Variants in ABAT observed in about 807,000 individuals in gnomAD.
The protein encoded by ABAT is 4-aminobutyrate aminotransferase, mitochondrial.
A neutral mutation model predicts 64.6 loss-of-function variants in ABAT; 45 were observed. The observed-to-expected ratio is 0.70, with a 90% CI of 0.55 to 0.89. The LOEUF is 0.89. Among genes scored for constraint, ABAT ranks in the 40% least tolerant of loss-of-function variants. The pLI is 0.00. For synonymous variants in ABAT, 297 were observed against 250.5 expected, an observed-to-expected ratio of 1.19 and a Z score of -1.75; for missense variants, 633 against 658.4, an observed-to-expected ratio of 0.96 and a Z score of 0.42.
intron 1 of ABAT, among the ~76,000 whole-genome samples, chr16:8,716,396 C>T (rs1298504545): frequency 3.3e-5 from 5 of 152,168 alleles, no homozygotes; most frequent in Non-Finnish European, 7.4e-5. Flanking sequence ...CTAAAGTAAG[C>T]GCTGAGCAAG....
At chr16:8,723,667 A>C (rs927793263) in intron 1 of ABAT, among the ~76,000 whole-genome samples, 1 of 151,766 alleles carries the variant, frequency 6.6e-6, no homozygotes, top group Non-Finnish European at 1.5e-5. Context: ...CATTATCCCT[A>C]ATTCCCAGCG....
At chr16:8,733,424 C>T (rs1348582551) in intron 1 of ABAT, among the ~76,000 whole-genome samples, 2 of 151,598 alleles carry the variant, frequency 1.3e-5, no homozygotes, top group Non-Finnish European at 2.9e-5. Flanking sequence ...ACTTCCCAGA[C>T]GGGGTGGCGG....
chr16:8,699,138 T>A (rs1337594834), intron 1 of ABAT, among the ~76,000 whole-genome samples: 3 of 152,100 alleles, frequency 2.0e-5, no homozygotes, highest in Non-Finnish European at 4.4e-5. Context: ...TAGTTTTGGT[T>A]GAAGTAGTTA....
At chr16:8,735,650 A>AG (rs1260408615) in intron 1 of ABAT, 49 bp from the exon 2 acceptor site, 2 of 1,445,454 alleles carry the variant, frequency 1.4e-6, no homozygotes, top group Non-Finnish European at 1.9e-6. Flanking sequence ...TTTGGCTGAG[A>AG]GGGGAGTGGT....
intron 1 of ABAT, among the ~76,000 whole-genome samples, chr16:8,689,368 A>T (rs2057529271): frequency 6.6e-6 from 1 of 152,224 alleles, no homozygotes; most frequent in African/African-American, 2.4e-5. Flanking sequence ...CCCATACCAC[A>T]TCTTGACTGC....
chr16:8,757,676 G>A, intron 5 of ABAT, 81 bp from the exon 6 acceptor site: 1 of 1,405,408 alleles, frequency 7.1e-7, no homozygotes, highest in Non-Finnish European at 1.0e-6. Context: ...TGGAAAGGAA[G>A]GGAGAGGGAA....
At chr16:8,772,183 C>T (rs146342303) in intron 11 of ABAT, among the ~76,000 whole-genome samples, 3 of 148,898 alleles carry the variant, frequency 2.0e-5, no homozygotes, top group African/African-American at 5.1e-5. Context: ...ATAATATAGT[C>T]GTGCTAATCG....
Position 8,768,269 on chromosome 16 carries a change from C to A in ABAT, c.667+13C>A, listed in dbSNP as rs763619234. Reference sequence around the variant, plus strand: ...GGGAGGACCATGGGTAAGGAGGGACCATTGCGCTCCCAAGGTGGCGTTTAG... The same window carrying A: ...GGGAGGACCATGGGTAAGGAGGGACAATTGCGCTCCCAAGGTGGCGTTTAG... On this transcript the variant is annotated intron_variant, in intron 10 of 15. Coordinates refer to ENST00000268251, the MANE Select transcript of ABAT (RefSeq NM_020686.6). 6.2e-7 allele frequency: 1 copy of A among 1,613,550 alleles called. No individual in the cohort carries two copies. The highest frequency in any genetic ancestry group is 1.7e-4 in the Middle Eastern group (1 of 5,792).
In ABAT at chr16:8,733,117, CGGGGGGCTG is replaced by C. The variant is rs1567292120; in HGVS notation, c.-41-2581_-41-2573del. Among the ~76,000 whole-genome samples the C allele has an allele frequency of 2.2e-4, 31 of 142,900 alleles. No homozygotes were observed. The East Asian group carries it at 5.1e-3, about 24-fold the overall frequency. 93.7% of individuals were successfully genotyped at this position (142,900 alleles called of 152,430 possible). A position where few individuals can be genotyped will look rare whatever the true frequency, so the allele number is the denominator to read the frequency against. On this transcript the variant is annotated intron_variant, in intron 1 of 15. Transcript: ENST00000268251. ...CTCCCGGATGGGGCGGCTGGCCGGG[CGGGGGGCTG>C]ACCCCCCCCCACCTCCCTCCCGGAC...
chr16:8,759,558 G>T (rs1046280018), intron 6 of ABAT, among the ~76,000 whole-genome samples: 10 of 152,108 alleles, frequency 6.6e-5, no homozygotes, highest in African/African-American at 2.4e-4. Flanking sequence ...TGCTGCCCAG[G>T]CTAGAGTGCA....
chr16:8,734,694 C>CTGTTCTGAGATACAAATTT lies in ABAT; in HGVS notation c.-41-989_-41-971dup, dbSNP rs1222124587. 3.3e-5 allele frequency among the ~76,000 whole-genome samples: 5 copies of CTGTTCTGAGATACAAATTT among 152,298 alleles called. No homozygotes were observed. In the South Asian group the frequency reaches 1.0e-3, roughly 32 times the overall value. On this transcript the variant is annotated intron_variant, in intron 1 of 15. Coordinates refer to ENST00000268251, the MANE Select transcript of ABAT (RefSeq NM_020686.6). ...GAATGACTCATGAATGGTGCTGTCG[C>CTGTTCTGAGATACAAATTT]TGTTCTGAGATACAAATTTTGTTCT...
chr16:8,769,393 C>A (rs1049424503), intron 11 of ABAT, among the ~76,000 whole-genome samples: 9 of 151,700 alleles, frequency 5.9e-5, no homozygotes, highest in Non-Finnish European at 8.8e-5. Flanking sequence ...ATGGTGAAAC[C>A]CCATCTCTAC....
rs1038170077 is a variant in ABAT at position 8,768,771 on chromosome 16, G to T, written c.668-54G>T. 3.7e-6 allele frequency: 6 copies of T among 1,612,410 alleles called. No individual in the cohort carries two copies. In the African/African-American group the frequency reaches 8.0e-5, roughly 22 times the overall value. ...GTCTATCATCTCCTTTACAAAGACGGTACTGCCTGCTTCCCCAAGCCAAGC... is the reference window on the plus strand; with the variant it reads ...GTCTATCATCTCCTTTACAAAGACGTTACTGCCTGCTTCCCCAAGCCAAGC... On this transcript the variant is annotated intron_variant, in intron 10 of 15. Coordinates refer to ENST00000268251, the MANE Select transcript of ABAT (RefSeq NM_020686.6).
chr16:8,741,549 A>G (rs1050770357), intron 2 of ABAT, among the ~76,000 whole-genome samples: 1 of 152,244 alleles, frequency 6.6e-6, no homozygotes, highest in Non-Finnish European at 1.5e-5. Context: ...AAATTGCTCC[A>G]GATGATTCCT....
At chr16:8,713,588 C>A in intron 1 of ABAT, 1 of 281,854 alleles carries the variant, frequency 3.5e-6, no homozygotes, top group Non-Finnish European at 7.3e-6. Flanking sequence ...TTCCCTCCGT[C>A]CCTCTCCCTT....
intron 6 of ABAT, among the ~76,000 whole-genome samples, chr16:8,763,373 G>A (rs1428583985): frequency 2.6e-5 from 4 of 152,172 alleles, no homozygotes; most frequent in African/African-American, 4.8e-5. Context: ...CTGAGTGATC[G>A]TGAAGCAGAA....
intron 1 of ABAT, among the ~76,000 whole-genome samples, chr16:8,707,353 A>ATTTT (rs386384172): frequency 0.011 from 1,372 of 123,926 alleles, 32 homozygotes; most frequent in Non-Finnish European, 0.015. Context: ...TGCCAGGGTA[A>ATTTT]TTTTTTTTTT....
intron 1 of ABAT, among the ~76,000 whole-genome samples, chr16:8,723,473 G>T (rs561764060): frequency 1.3e-5 from 2 of 152,248 alleles, no homozygotes; most frequent in Admixed American, 1.3e-4. Flanking sequence ...AAGCCTGCAG[G>T]GAAAGTCTGC....
intron 1 of ABAT, among the ~76,000 whole-genome samples, chr16:8,678,756 G>A (rs72768150): frequency 0.057 from 8,718 of 152,240 alleles, 293 homozygotes; most frequent in South Asian, 0.12. Context: ...GCATTCATGT[G>A]GGAGAATGAG....
Sources: gnomAD v4.1 joint callset for allele counts (sites outside exome capture counted in the v4.1 genomes callset) on GRCh38, gnomAD v4.1.1 for gene constraint, MANE v1.5 for transcripts, NCBI Gene and HGNC (gene_info 2026-07-23, HGNC 2026-07-21) for gene names.